Variants in LIPC observed in about 807,000 individuals in gnomAD.
The protein encoded by LIPC is lipase C, hepatic type.
In LIPC, 44 loss-of-function variants were observed where a neutral mutation model predicts 50.7. That is an observed-to-expected ratio of 0.87 (90% CI 0.68 to 1.11). LIPC has a LOEUF of 1.11. Among genes scored for constraint, LIPC ranks in the 50% most tolerant of loss-of-function variants. The probability of loss-of-function intolerance (pLI) is 0.00; values close to 1 mark genes in which losing one functional copy is unlikely to be tolerated. For missense variants in LIPC, 697 were observed against 648.2 expected, an observed-to-expected ratio of 1.08 and a Z score of -0.82; for synonymous variants, 271 against 256.4, an observed-to-expected ratio of 1.06 and a Z score of -0.54.
chr15:58,506,384 C>T (rs1892149469), intron 1 of LIPC, among the ~76,000 whole-genome samples: 1 of 152,176 alleles, frequency 6.6e-6, no homozygotes, highest in Non-Finnish European at 1.5e-5. Context: ...CCTGCCACGA[C>T]TGAAAGGGCA....
intron 1 of LIPC, chr15:58,455,062 A>G (rs1185893717): frequency 6.6e-6 from 1 of 152,236 alleles, no homozygotes; most frequent in African/African-American, 2.4e-5. Flanking sequence ...ACCAAAGTGA[A>G]TCTCTTCCCA....
intron 1 of LIPC, among the ~76,000 whole-genome samples, chr15:58,481,091 C>T (rs907415850): frequency 6.6e-6 from 1 of 152,076 alleles, no homozygotes; most frequent in African/African-American, 2.4e-5. Flanking sequence ...AGCCCTACAG[C>T]CCTCCATGGG....
intron 1 of LIPC, among the ~76,000 whole-genome samples, chr15:58,515,321 C>G (rs566142061): frequency 6.6e-6 from 1 of 152,264 alleles, no homozygotes; most frequent in Non-Finnish European, 1.5e-5. Flanking sequence ...AAACTGGATC[C>G]TGTTCTGCAG....
intron 1 of LIPC, among the ~76,000 whole-genome samples, chr15:58,442,292 T>C (rs1393372678): frequency 1.3e-5 from 2 of 152,212 alleles, no homozygotes; most frequent in Non-Finnish European, 1.5e-5. Flanking sequence ...AGCAAAGTTC[T>C]ATCCATTTTA....
chr15:58,452,900 CA>C (rs1299131076), intron 1 of LIPC, among the ~76,000 whole-genome samples: 1 of 152,214 alleles, frequency 6.6e-6, no homozygotes, highest in East Asian at 1.9e-4. Flanking sequence ...ACTGTGGTCC[CA>C]TCTGCTGCTG....
chr15:58,432,460 C>CTAAT, intron 1 of LIPC: 1 of 331,722 alleles, frequency 3.0e-6, no homozygotes. Flanking sequence ...AATGTGGCAT[C>CTAAT]TAATTTGCAA....
chr15:58,477,779 T>A (rs897041375), intron 1 of LIPC, among the ~76,000 whole-genome samples: 2 of 152,066 alleles, frequency 1.3e-5, no homozygotes, highest in Non-Finnish European at 2.9e-5. Flanking sequence ...ATTTATAGGA[T>A]AAAATACTTG....
At chr15:58,493,138 T>A (rs1167406218) in intron 1 of LIPC, among the ~76,000 whole-genome samples, 1 of 152,124 alleles carries the variant, frequency 6.6e-6, no homozygotes, top group East Asian at 1.9e-4. Flanking sequence ...CACATCATCA[T>A]CAGACCAAAA....
intron 1 of LIPC, among the ~76,000 whole-genome samples, chr15:58,518,040 C>T (rs1201189240): frequency 2.6e-5 from 4 of 152,240 alleles, no homozygotes; most frequent in African/African-American, 9.6e-5. Context: ...CCACCAACTT[C>T]CTGTGTTGAC....
At chr15:58,454,030 A>C (rs553848644) in intron 1 of LIPC, among the ~76,000 whole-genome samples, 2 of 152,278 alleles carry the variant, frequency 1.3e-5, no homozygotes, top group African/African-American at 4.8e-5. Context: ...TGAGGTGTTT[A>C]ACCTATAAGG....
At chr15:58,521,905 A>ACC (rs1555403731) in intron 1 of LIPC, 6 of 148,466 alleles carry the variant, frequency 4.0e-5, no homozygotes, top group Non-Finnish European at 7.5e-5. Context: ...ACGCTCTGTC[A>ACC]TCTCTCTCTC....
chr15:58,505,239 G>C (rs1335265994), intron 1 of LIPC, among the ~76,000 whole-genome samples: 1 of 152,216 alleles, frequency 6.6e-6, no homozygotes, highest in African/African-American at 2.4e-5. Flanking sequence ...GCAGACGGAG[G>C]CCACATGCCA....
intron 1 of LIPC, among the ~76,000 whole-genome samples, chr15:58,532,113 G>A (rs1892978238): frequency 6.6e-6 from 1 of 152,168 alleles, no homozygotes; most frequent in Non-Finnish European, 1.5e-5. Flanking sequence ...AAAAGTAAAT[G>A]GGAGGGTCAG....
intron 7 of LIPC, among the ~76,000 whole-genome samples, chr15:58,562,952 A>G (rs1182217819): frequency 6.6e-6 from 1 of 152,160 alleles, no homozygotes; most frequent in Non-Finnish European, 1.5e-5. Context: ...AGTGTCTTGG[A>G]GATTAGTGAG....
intron 1 of LIPC, among the ~76,000 whole-genome samples, chr15:58,511,661 T>A (rs1295001355): frequency 6.6e-6 from 1 of 152,222 alleles, no homozygotes; most frequent in Non-Finnish European, 1.5e-5. Flanking sequence ...TTTTAAAAGT[T>A]GATGTCACTT....
At position 58,541,935 on chromosome 15, in the gene LIPC, A is replaced by C. The variant is rs1478116349; in HGVS notation, c.424A>C (p.Lys142Gln). The change falls in exon 3 of 9, where the codon AAG becomes CAG. Residue 142 changes from lysine (K) to glutamine (Q), a missense_variant. Transcript: ENST00000299022. ...CGTCCGCAACACCCGCCTTGTGGGC[A>C]AGGAGGTCGCGGCTCTTCTCCGGTG... ...IAVRNTRLVG[K>Q]EVAALLRWLE... 6.2e-7 allele frequency: 1 copy of C among 1,611,340 alleles called. No individual in the cohort carries two copies. The highest frequency in any genetic ancestry group is 8.5e-7 in the Non-Finnish European group (1 of 1,179,822).
chr15:58,547,137 C>T (rs899933848), intron 5 of LIPC, among the ~76,000 whole-genome samples: 2 of 152,144 alleles, frequency 1.3e-5, no homozygotes, highest in Non-Finnish European at 2.9e-5. Context: ...TTCAAAGTGA[C>T]GGAACCAAAT....
chr15:58,538,233 C>A, intron 1 of LIPC, 100 bp from the exon 2 acceptor site: 4 of 1,133,930 alleles, frequency 3.5e-6, no homozygotes, highest in Non-Finnish European at 5.4e-6. Context: ...CTCCCAGTAA[C>A]CTCTTTGGCT....
chr15:58,448,566 A>C (rs1450235500), intron 1 of LIPC, among the ~76,000 whole-genome samples: 2 of 152,258 alleles, frequency 1.3e-5, no homozygotes, highest in Non-Finnish European at 1.5e-5. Context: ...TCAGGCTCTC[A>C]GAGTGTGAAG....
Sources: allele counts gnomAD v4.1 joint callset (sites outside exome capture counted in the v4.1 genomes callset), GRCh38; gene constraint gnomAD v4.1.1; transcripts MANE v1.5; gene names NCBI Gene and HGNC (gene_info 2026-07-23, HGNC 2026-07-21).